Variants in FRMD4A observed in about 807,000 individuals in gnomAD.
FRMD4A encodes the protein FERM domain containing 4A, also known as FERM domain-containing protein 4A.
Under a neutral mutation model 129.1 loss-of-function variants are expected in FRMD4A, and 29 were observed. The observed-to-expected ratio is 0.22, with a 90% CI of 0.17 to 0.31. The LOEUF (loss-of-function observed/expected upper bound fraction) is 0.31, where lower values mean the gene tolerates loss of function less well. Among genes scored for constraint, FRMD4A ranks in the 10% least tolerant of loss-of-function variants. The probability of loss-of-function intolerance (pLI) is 1.00; values close to 1 mark genes in which losing one functional copy is unlikely to be tolerated. For missense variants in FRMD4A, 1,272 were observed against 1,375.8 expected (o/e 0.92, Z 1.19); for synonymous variants, 634 against 571.6 (o/e 1.11, Z -1.56).
intron 2 of FRMD4A, among the ~76,000 whole-genome samples, chr10:13,905,932 G>A (rs1315863620): frequency 3.3e-5 from 5 of 152,162 alleles, no homozygotes; most frequent in East Asian, 1.9e-4. Context: ...AAGTTTAAGC[G>A]CCAAAAATCA....
At chr10:14,123,383 C>A (rs1254179225) in intron 2 of FRMD4A, among the ~76,000 whole-genome samples, 1 of 152,204 alleles carries the variant, frequency 6.6e-6, no homozygotes, top group East Asian at 1.9e-4. Flanking sequence ...ATGAAGTTTT[C>A]AGCAACTGCA....
chr10:13,743,306 G>A (rs2091113453), intron 9 of FRMD4A, among the ~76,000 whole-genome samples: 1 of 152,168 alleles, frequency 6.6e-6, no homozygotes, highest in East Asian at 1.9e-4. Flanking sequence ...ACTGCGTCAG[G>A]AGGTTCAGCG....
At chr10:13,770,644 A>C (rs572442928) in intron 6 of FRMD4A, among the ~76,000 whole-genome samples, 1 of 151,890 alleles carries the variant, frequency 6.6e-6, no homozygotes, top group East Asian at 1.9e-4. Flanking sequence ...GGGTCTCACT[A>C]TGTTTCTCAG....
In FRMD4A at chr10:14,038,180, G is replaced by T. The variant is rs1833592585; in HGVS notation, c.46-179268C>A. 1.3e-5 allele frequency among the ~76,000 whole-genome samples: 2 copies of T among 152,184 alleles called. 1 individual carries two copies. The highest frequency in any genetic ancestry group is 4.2e-4 in the South Asian group (2 of 4,816). ...TAATAAAAATACAAAAAAATTAGCT[G>T]GGCGAGGTGGCGGGCGCCTGTAGTC... On this transcript the variant is annotated intron_variant, in intron 2 of 24. Coordinates refer to ENST00000357447, the MANE Select transcript of FRMD4A (RefSeq NM_018027.5).
chr10:13,967,842 T>C (rs2095494729), intron 2 of FRMD4A, among the ~76,000 whole-genome samples: 1 of 152,198 alleles, frequency 6.6e-6, no homozygotes, highest in South Asian at 2.1e-4. Flanking sequence ...GCCCAGGAGT[T>C]TGAGACCAGT....
chr10:14,081,410 A>G (rs1324260493), intron 2 of FRMD4A, among the ~76,000 whole-genome samples: 1 of 152,188 alleles, frequency 6.6e-6, no homozygotes, highest in Non-Finnish European at 1.5e-5. Flanking sequence ...GGAAGAACAG[A>G]CAACAAACCC....
Position 14,048,780 on chromosome 10 carries a change from T to A in FRMD4A, c.46-189868A>T, listed in dbSNP as rs138237245. Among the ~76,000 whole-genome samples the A allele has an allele frequency of 8.7e-3, 1,325 of 151,928 alleles. 15 individuals are homozygous for A. The highest frequency in any genetic ancestry group is 0.021 in the Admixed American group (314 of 15,236). On this transcript the variant is annotated intron_variant, in intron 2 of 24. Transcript: ENST00000357447. ...GAGATCGCACCACCGCACTCCAGCC[T>A]GGGTGACAGAGCGAGACTCTTGTCT...
intron 2 of FRMD4A, among the ~76,000 whole-genome samples, chr10:13,906,683 C>T (rs543732747): frequency 6.6e-6 from 1 of 152,088 alleles, no homozygotes; most frequent in Non-Finnish European, 1.5e-5. Context: ...AATGAGACCC[C>T]GGGTGAATTA....
chr10:14,175,854 G>A (rs148608981), intron 2 of FRMD4A, among the ~76,000 whole-genome samples: 27 of 152,190 alleles, frequency 1.8e-4, no homozygotes, highest in South Asian at 2.1e-4. Flanking sequence ...CTTTCTCTGC[G>A]TCACCTTAGT....
intron 2 of FRMD4A, among the ~76,000 whole-genome samples, chr10:13,859,529 T>C (rs184267046): frequency 4.8e-4 from 73 of 152,314 alleles, no homozygotes; most frequent in African/African-American, 1.7e-3. Context: ...TTAGCAAATA[T>C]ATATATAACA....
chr10:13,696,886 T>A lies in FRMD4A; in HGVS notation c.976-2847A>T, dbSNP rs888681421. Among the ~76,000 whole-genome samples the A allele has an allele frequency of 2.0e-5, 3 of 152,222 alleles. No individual in the cohort carries two copies. In the East Asian group the frequency reaches 5.8e-4, roughly 29 times the overall value. ...ACCCACATCCCAGAGTTGTGATAACTAAAGTAGATAATTTATGTAAAGGCC... is the reference window on the plus strand; with the variant it reads ...ACCCACATCCCAGAGTTGTGATAACAAAAGTAGATAATTTATGTAAAGGCC... On this transcript the variant is annotated intron_variant, in intron 14 of 24. Transcript: ENST00000357447.
At chr10:14,007,841 C>T (rs1035974838) in intron 2 of FRMD4A, among the ~76,000 whole-genome samples, 1 of 152,162 alleles carries the variant, frequency 6.6e-6, no homozygotes, top group Non-Finnish European at 1.5e-5. Flanking sequence ...AGCACCCCTC[C>T]CCCATCTGAG....
At chr10:14,008,903 G>A (rs958055584) in intron 2 of FRMD4A, among the ~76,000 whole-genome samples, 7 of 152,208 alleles carry the variant, frequency 4.6e-5, no homozygotes, top group Non-Finnish European at 8.8e-5. Context: ...CAGAGAGAAA[G>A]TATGAGGGAA....
rs995457231 is a variant in FRMD4A at position 13,796,552 on chromosome 10, T to C, written c.243A>G (p.Val81=). Residue 81 remains valine, a synonymous_variant, in exon 5 of 25, where the codon GTA becomes GTG. Transcript: ENST00000357447. ...ACTTTTTAGGGAAGTCATGTTCCAA[T>C]ACTCTTCGATCTAGCTGAAGCCAGT... is the stretch of plus-strand genomic sequence containing the variant. ...HLNWLQLDRR[V]LEHDFPKKSG... 3 of 1,603,604 alleles carry C rather than the reference T, an allele frequency of 1.9e-6. No individual in the cohort carries two copies. Among genetic ancestry groups the C allele is most frequent in the Non-Finnish European group, 2.6e-6 (3 of 1,170,568 alleles).
chr10:14,205,899 G>A (rs1267086387), intron 2 of FRMD4A, among the ~76,000 whole-genome samples: 2 of 151,000 alleles, frequency 1.3e-5, no homozygotes, highest in East Asian at 1.9e-4. Context: ...AGACTTACCT[G>A]CCTACTCTTT....
chr10:13,860,290 G>C (rs2094276439), intron 2 of FRMD4A, among the ~76,000 whole-genome samples: 1 of 152,204 alleles, frequency 6.6e-6, no homozygotes, highest in Admixed American at 6.5e-5. Context: ...AAAATAATTA[G>C]GAAGGGATAG....
intron 2 of FRMD4A, among the ~76,000 whole-genome samples, chr10:14,181,038 G>A (rs1376630008): frequency 6.6e-6 from 1 of 152,192 alleles, no homozygotes; most frequent in Non-Finnish European, 1.5e-5. Context: ...AACAGCAATT[G>A]CCTAAAGTTA....
chr10:14,305,417 A>G (rs1171332297), intron 2 of FRMD4A, among the ~76,000 whole-genome samples: 2 of 152,244 alleles, frequency 1.3e-5, no homozygotes, highest in East Asian at 3.8e-4. Context: ...ACTCTCTCCC[A>G]TTAAATATAT....
intron 2 of FRMD4A, among the ~76,000 whole-genome samples, chr10:14,001,613 A>T (rs1588725313): frequency 6.6e-6 from 1 of 152,254 alleles, no homozygotes; most frequent in South Asian, 2.1e-4. Flanking sequence ...TATACAAAAC[A>T]AAATAAATAT....
Sources: allele counts gnomAD v4.1 joint callset (sites outside exome capture counted in the v4.1 genomes callset), GRCh38; gene constraint gnomAD v4.1.1; transcripts MANE v1.5; gene names NCBI Gene and HGNC (gene_info 2026-07-23, HGNC 2026-07-21).